The following CABLES1 variants were observed in gnomAD, a reference collection of about 807,000 sequenced individuals.
CABLES1 encodes the protein CDK5 and ABL1 enzyme substrate 1.
In CABLES1, 36 loss-of-function variants were observed where a neutral mutation model predicts 57.8. That is an observed-to-expected ratio of 0.62 (90% confidence interval 0.48 to 0.82). The LOEUF is 0.82. CABLES1 is among the 40% of genes least tolerant of loss of function. The probability of loss-of-function intolerance (pLI) is 0.00; values close to 1 mark genes in which losing one functional copy is unlikely to be tolerated. For synonymous variants in CABLES1, 374 were observed against 363.0 expected, an observed-to-expected ratio of 1.03 and a Z score of -0.35; for missense variants, 767 against 836.6, an observed-to-expected ratio of 0.92 and a Z score of 1.03.
intron 3 of CABLES1, among the ~76,000 whole-genome samples, chr18:23,206,885 A>T (rs1341401586): frequency 6.9e-6 from 1 of 144,376 alleles, no homozygotes; most frequent in Non-Finnish European, 1.5e-5. Context: ...ATCATAGCCC[A>T]CTGCAGCCTT....
intron 3 of CABLES1, among the ~76,000 whole-genome samples, chr18:23,208,914 CT>C (rs1214067227): frequency 2.0e-5 from 3 of 152,226 alleles, no homozygotes; most frequent in African/African-American, 7.2e-5. Context: ...TAATGGCCTT[CT>C]TCCCTTCGTG....
intron 3 of CABLES1, among the ~76,000 whole-genome samples, chr18:23,201,355 C>T (rs1306532670): frequency 6.6e-6 from 1 of 152,158 alleles, no homozygotes; most frequent in Non-Finnish European, 1.5e-5. Context: ...CAGGGCGGGT[C>T]CCATCTGTGG....
chr18:23,158,163 G>T (rs2144970774), intron 1 of CABLES1, among the ~76,000 whole-genome samples: 1 of 151,238 alleles, frequency 6.6e-6, no homozygotes, highest in East Asian at 1.9e-4. Context: ...TTAGCTGGGT[G>T]TAGTGGTGTG....
At chr18:23,195,704 C>T (rs551693779) in intron 3 of CABLES1, among the ~76,000 whole-genome samples, 1 of 152,294 alleles carries the variant, frequency 6.6e-6, no homozygotes, top group East Asian at 1.9e-4. Flanking sequence ...AAGTACAATG[C>T]TTTTAGTTTA....
chr18:23,135,866 C>G lies in CABLES1; in HGVS notation c.104C>G (p.Pro35Arg). 9.8e-7 allele frequency: 1 copy of G among 1,024,124 alleles called. No homozygotes were observed. The highest frequency in any genetic ancestry group is 9.2e-5 in the East Asian group (1 of 10,854). The allele number at this position is 1,024,124 out of a possible 1,614,324, so 63.4% of individuals were successfully genotyped here. Residue 35 changes from proline to arginine, a missense_variant, in exon 1 of 10, where the codon CCC (proline) becomes CGC (arginine). Around this residue, in one of 4 missense-constraint regions of CABLES1, gnomAD observed 198 missense variants for 149.7 expected, o/e 1.32. Transcript: ENST00000256925. ...GGATTGCAGCAGCCGCCGCCGCAGCCCCAGCCTCAGCCCGCGGCCGCCGCG... is the reference window on the plus strand; with the variant it reads ...GGATTGCAGCAGCCGCCGCCGCAGCGCCAGCCTCAGCCCGCGGCCGCCGCG... ...ASGLQQPPPQ[P>R]QPQPAAAAPA...
intron 1 of CABLES1, among the ~76,000 whole-genome samples, chr18:23,145,399 TC>T (rs1039171494): frequency 6.6e-6 from 1 of 152,178 alleles, no homozygotes; most frequent in African/African-American, 2.4e-5. Context: ...GGCTCACACA[TC>T]CTTTTTGTCC....
At chr18:23,155,530 G>A (rs1032994680) in intron 1 of CABLES1, among the ~76,000 whole-genome samples, 3 of 152,166 alleles carry the variant, frequency 2.0e-5, no homozygotes, top group Non-Finnish European at 2.9e-5. Flanking sequence ...TATAACCCTG[G>A]CAAAAGTAAT....
intron 9 of CABLES1, 200 bp from the exon 10 acceptor site, chr18:23,257,027 G>A (rs949810183): frequency 4.9e-5 from 29 of 587,968 alleles, no homozygotes; most frequent in Admixed American, 2.0e-4. Context: ...GCAGCCCCTC[G>A]GGAAAGGAGC....
chr18:23,176,910 G>A (rs1403100532), intron 1 of CABLES1, among the ~76,000 whole-genome samples: 2 of 152,132 alleles, frequency 1.3e-5, no homozygotes, highest in African/African-American at 2.4e-5. Context: ...TAGGAGGGCA[G>A]CCCTCTGAAG....
intron 3 of CABLES1, among the ~76,000 whole-genome samples, chr18:23,203,574 C>G (rs1181228429): frequency 6.6e-6 from 1 of 152,036 alleles, no homozygotes; most frequent in Non-Finnish European, 1.5e-5. Context: ...TTCCTTGTTG[C>G]ACCAAAACAT....
intron 7 of CABLES1, among the ~76,000 whole-genome samples, chr18:23,246,556 T>C (rs954192267): frequency 7.9e-5 from 12 of 152,054 alleles, no homozygotes; most frequent in Admixed American, 1.3e-4. Flanking sequence ...CACACCCGGC[T>C]AATTTTTTGT....
intron 2 of CABLES1, 59 bp from the exon 3 acceptor site, chr18:23,194,389 G>A: frequency 9.6e-7 from 1 of 1,038,806 alleles, no homozygotes; most frequent in East Asian, 2.4e-5. Context: ...TTTATGTGGA[G>A]ACGTCTCAGC....
At chr18:23,137,806 C>T (rs1448867885) in intron 1 of CABLES1, among the ~76,000 whole-genome samples, 2 of 152,170 alleles carry the variant, frequency 1.3e-5, no homozygotes, top group African/African-American at 4.8e-5. Flanking sequence ...TATGTAGCCT[C>T]GCTGTTTGAG....
intron 7 of CABLES1, among the ~76,000 whole-genome samples, chr18:23,240,904 G>A (rs184401878): frequency 4.2e-4 from 64 of 152,312 alleles, no homozygotes; most frequent in Admixed American, 2.6e-3. Flanking sequence ...TGCTGCAGCC[G>A]CTAAAAGGAG....
chr18:23,184,557 G>T (rs572052518), intron 1 of CABLES1, among the ~76,000 whole-genome samples: 4 of 152,172 alleles, frequency 2.6e-5, no homozygotes, highest in East Asian at 1.9e-4. Flanking sequence ...ACAAAAATTA[G>T]CTGGGTGTGG....
intron 4 of CABLES1, among the ~76,000 whole-genome samples, chr18:23,219,628 T>C (rs2047471463): frequency 6.6e-6 from 1 of 152,180 alleles, no homozygotes; most frequent in Non-Finnish European, 1.5e-5. Flanking sequence ...GGGAGAGGGC[T>C]GGGGACAGGA....
At chr18:23,176,333 ATAGGCTTGGCGCTCCTGTGAGAATCT>A (rs1302893029) in intron 1 of CABLES1, among the ~76,000 whole-genome samples, 1 of 152,126 alleles carries the variant, frequency 6.6e-6, no homozygotes, top group Non-Finnish European at 1.5e-5. Context: ...ACAGTTCACA[ATAGGCTTGGCGCTCCTGTGAGAATCT>A]GATGCCCCGC....
intron 9 of CABLES1, among the ~76,000 whole-genome samples, 186 bp downstream of exon 9, chr18:23,254,122 T>A (rs2048106687): frequency 6.6e-6 from 1 of 152,230 alleles, no homozygotes; most frequent in African/African-American, 2.4e-5. Context: ...AGGGATGATC[T>A]ACTTTGACAA....
rs576227124 is a variant in CABLES1 at position 23,228,688 on chromosome 18, C to CT, written c.1089-5919dup. Reference sequence around the variant, plus strand: ...CTTCTGAGTCCCTCCCTTTTACCCCCTCCAGTCACTCCCACTCCCCCACCC... The same window carrying CT: ...CTTCTGAGTCCCTCCCTTTTACCCCCTTCCAGTCACTCCCACTCCCCCACCC... On this transcript the variant is annotated intron_variant, in intron 4 of 9. Transcript: ENST00000256925. Among the ~76,000 whole-genome samples, 20 of 149,862 alleles carry CT rather than the reference C, an allele frequency of 1.3e-4. No individual in the cohort carries two copies. In the South Asian group the frequency reaches 4.2e-3, roughly 31 times the overall value.
Sources: gnomAD v4.1 joint callset for allele counts (sites outside exome capture counted in the v4.1 genomes callset) on GRCh38, gnomAD v4.1.1 for gene constraint, gnomAD v4.1.1 regional missense constraint, MANE v1.5 for transcripts, NCBI Gene and HGNC (gene_info 2026-07-23, HGNC 2026-07-21) for gene names.